ATM: variants seen among roughly 807,000 people sequenced by gnomAD.
ATM encodes serine-protein kinase ATM.
In ATM, 308 loss-of-function variants were observed where a neutral mutation model predicts 387.0. The observed-to-expected ratio is 0.80, with a 90% confidence interval of 0.73 to 0.87. The LOEUF (loss-of-function observed/expected upper bound fraction) is 0.87. Among genes scored for constraint, ATM ranks in the 40% least tolerant of loss-of-function variants. The probability of loss-of-function intolerance (pLI) is 0.00; values close to 1 mark genes in which losing one functional copy is unlikely to be tolerated. For synonymous variants in ATM, 1,156 were observed against 1,187.3 expected (o/e 0.97, Z 0.54); for missense variants, 3,312 against 3,560.9 (o/e 0.93, Z 1.78).
Position 108,227,580 on chromosome 11 carries a change from G to A in ATM, c.-30-15G>A, listed in dbSNP as rs776227873. 4 of 1,497,746 alleles carry A rather than the reference G, an allele frequency of 2.7e-6. No homozygotes were observed. The East Asian group carries it at 6.8e-5, about 25-fold the overall frequency. The allele number at this position is 1,497,746 out of a possible 1,614,324, so 92.8% of individuals were successfully genotyped here. ...TACATATACATATATATACCTATAT[G>A]TATTTTTTTTACAGACAGTGATGTG... On this transcript the variant is annotated splice_polypyrimidine_tract_variant and intron_variant, in intron 1 of 62. Coordinates refer to ENST00000675843, the MANE Select transcript of ATM (RefSeq NM_000051.4).
At chr11:108,334,178 G>GT (rs1417850266) in intron 54 of ATM, among the ~76,000 whole-genome samples, 1 of 151,378 alleles carries the variant, frequency 6.6e-6, no homozygotes, top group African/African-American at 2.4e-5. Context: ...ATTGCCTTCT[G>GT]TTCTACACCT....
At chr11:108,238,962 C>G (rs996770819) in intron 5 of ATM, among the ~76,000 whole-genome samples, 1 of 152,054 alleles carries the variant, frequency 6.6e-6, no homozygotes, top group Non-Finnish European at 1.5e-5. Flanking sequence ...TTACCATTTT[C>G]CCCTCCCCTA....
chr11:108,320,410 GT>G (rs1013143932), intron 44 of ATM, among the ~76,000 whole-genome samples: 8 of 152,124 alleles, frequency 5.3e-5, no homozygotes, highest in Non-Finnish European at 1.2e-4. Context: ...TTACAAACTT[GT>G]TTTGAGGCAC....
intron 35 of ATM, 22 bp downstream of exon 35, chr11:108,301,811 T>C: frequency 6.2e-7 from 1 of 1,611,340 alleles, no homozygotes; most frequent in African/African-American, 1.3e-5. Context: ...AATAAATGTT[T>C]ATTGAATACC....
At chr11:108,295,208 C>T in intron 32 of ATM, 149 bp downstream of exon 32, 1 of 941,956 alleles carries the variant, frequency 1.1e-6, no homozygotes, top group Non-Finnish European at 1.7e-6. Flanking sequence ...AACTGTAAAA[C>T]TGGTCCTAAC....
chr11:108,234,378 T>A (rs1267249743), intron 4 of ATM, among the ~76,000 whole-genome samples: 1 of 152,216 alleles, frequency 6.6e-6, no homozygotes, highest in Non-Finnish European at 1.5e-5. Flanking sequence ...ATTTTAAGAT[T>A]GTCAGTATGG....
intron 59 of ATM, among the ~76,000 whole-genome samples, chr11:108,353,366 C>G (rs1358996607): frequency 1.3e-5 from 2 of 152,074 alleles, no homozygotes; most frequent in Non-Finnish European, 2.9e-5. Flanking sequence ...CCAGGCTGGT[C>G]TCTTAACTCC....
Position 108,259,350 on chromosome 11 carries a change from G to A in ATM, c.2466+275G>A, listed in dbSNP as rs45466794. 8.4e-3 allele frequency among the ~76,000 whole-genome samples: 1,286 copies of A among 152,208 alleles called. 7 individuals carry two copies. Among genetic ancestry groups the A allele is most frequent in the Non-Finnish European group, 0.014 (929 of 68,012 alleles). ...TAAAAATACTAAAAATTAGCCAGGC[G>A]TGGTGACATGTGCCTGTAGTCCCAG... On this transcript the variant is annotated intron_variant, in intron 16 of 62. Coordinates refer to ENST00000675843, the MANE Select transcript of ATM (RefSeq NM_000051.4).
At chr11:108,352,995 G>A (rs761232074) in intron 59 of ATM, among the ~76,000 whole-genome samples, 1 of 152,078 alleles carries the variant, frequency 6.6e-6, no homozygotes, top group Non-Finnish European at 1.5e-5. Context: ...CCTTATGATA[G>A]GAATATTATA....
chr11:108,250,032 G>A (rs139955180), intron 9 of ATM, among the ~76,000 whole-genome samples: 50 of 152,066 alleles, frequency 3.3e-4, no homozygotes, highest in African/African-American at 1.1e-3. Context: ...CTGAATTAAT[G>A]TAAAGGAAAA....
intron 5 of ATM, among the ~76,000 whole-genome samples, chr11:108,243,218 CAAAT>C (rs2079654139): frequency 6.6e-6 from 1 of 152,120 alleles, no homozygotes; most frequent in South Asian, 2.1e-4. Context: ...GACTCTACCT[CAAAT>C]AAATAAGAAA....
chr11:108,239,371 G>C (rs1459239294), intron 5 of ATM, among the ~76,000 whole-genome samples: 1 of 152,170 alleles, frequency 6.6e-6, no homozygotes, highest in Admixed American at 6.5e-5. Context: ...TGTTATAGCA[G>C]CCTGAAGTAG....
intron 5 of ATM, among the ~76,000 whole-genome samples, chr11:108,241,675 A>G (rs747436279): frequency 1.4e-5 from 2 of 146,058 alleles, no homozygotes; most frequent in Non-Finnish European, 3.0e-5. Flanking sequence ...GCCTTCTTTC[A>G]TTTAGTAATA....
chr11:108,357,457 C>A (rs1200862961), intron 61 of ATM, among the ~76,000 whole-genome samples: 7 of 152,162 alleles, frequency 4.6e-5, no homozygotes, highest in Non-Finnish European at 7.4e-5. Flanking sequence ...CTCAAGGAGA[C>A]CTGCCTGCCT....
chr11:108,245,383 C>T (rs1242211053), intron 7 of ATM, among the ~76,000 whole-genome samples: 1 of 152,130 alleles, frequency 6.6e-6, no homozygotes, highest in African/African-American at 2.4e-5. Context: ...TGTTTATCCA[C>T]CTATTACTTT....
At chr11:108,230,373 G>A (rs555595748) in intron 4 of ATM, 10 of 152,232 alleles carry the variant, frequency 6.6e-5, no homozygotes, top group African/African-American at 2.4e-4. Context: ...CTGAGATTAC[G>A]CCACTACACT....
At chr11:108,295,279 A>T in intron 32 of ATM, 1 of 538,110 alleles carries the variant, frequency 1.9e-6, no homozygotes, top group South Asian at 2.2e-5. Context: ...ATTTCTCTAA[A>T]CCCAAATATG....
chr11:108,323,092 T>C (rs1404886980), intron 45 of ATM, among the ~76,000 whole-genome samples: 1 of 152,198 alleles, frequency 6.6e-6, no homozygotes, highest in African/African-American at 2.4e-5. Context: ...AAGGTCACTC[T>C]ACCTTTATGC....
rs1002588624 is a variant in ATM at position 108,308,086 on chromosome 11, A to G, written c.5762+102A>G. ...ATTATTTTAGGTGAAGGTGTTGCAA[A>G]GTGTTATATTTAATTTGTGTGATAT... On this transcript the variant is annotated intron_variant, in intron 38 of 62. Coordinates refer to ENST00000675843, the MANE Select transcript of ATM (RefSeq NM_000051.4). 13 of 1,082,300 alleles carry G rather than the reference A, an allele frequency of 1.2e-5. No homozygotes were observed. In the African/African-American group the frequency reaches 1.9e-4, roughly 16 times the overall value. 67.0% of individuals were successfully genotyped at this position (1,082,300 alleles called of 1,614,324 possible).
Sources: allele counts gnomAD v4.1 joint callset (sites outside exome capture counted in the v4.1 genomes callset), GRCh38; gene constraint gnomAD v4.1.1; transcripts MANE v1.5; gene names NCBI Gene and HGNC (gene_info 2026-07-23, HGNC 2026-07-21).